The following MAGI1 variants were observed in gnomAD, a reference collection of about 807,000 sequenced individuals.
MAGI1 encodes the protein membrane associated guanylate kinase, WW and PDZ domain containing 1.
Under a neutral mutation model 139.9 loss-of-function variants are expected in MAGI1, and 58 were observed. The ratio of observed to expected loss-of-function variants is 0.41; its 90% CI spans 0.34 to 0.52. MAGI1 has a LOEUF of 0.52. Ranked by LOEUF, MAGI1 falls within the 20% of genes least tolerant of loss-of-function variation. The pLI, the probability that MAGI1 is intolerant of heterozygous loss-of-function variation, is 0.12. For synonymous variants in MAGI1, 812 were observed against 737.9 expected (o/e 1.10, Z -1.63); for missense variants, 1,874 against 1,901.6 (o/e 0.99, Z 0.27).
chr3:65,958,549 AGCT>A, intron 1 of MAGI1, among the ~76,000 whole-genome samples: 1 of 152,346 alleles, frequency 6.6e-6, no homozygotes, highest in East Asian at 1.9e-4. Context: ...TCCTAAGAGA[AGCT>A]GAGGTTAGTG....
intron 2 of MAGI1, among the ~76,000 whole-genome samples, chr3:65,547,838 T>C (rs929815730): frequency 3.9e-5 from 6 of 152,122 alleles, no homozygotes; most frequent in African/African-American, 1.4e-4. Context: ...CATAACAGAA[T>C]TACAATCAGG....
At chr3:65,648,084 C>T (rs1320851631) in intron 1 of MAGI1, among the ~76,000 whole-genome samples, 1 of 152,120 alleles carries the variant, frequency 6.6e-6, no homozygotes, top group Non-Finnish European at 1.5e-5. Flanking sequence ...CAAAAAGCCT[C>T]CTAGTACTAA....
In MAGI1 at chr3:65,401,042, G is replaced by T. The variant is rs369012383; in HGVS notation, c.2199+397C>A. Among the ~76,000 whole-genome samples, 12 of 152,036 alleles carry T rather than the reference G, an allele frequency of 7.9e-5. No individual in the cohort carries two copies. The East Asian group carries it at 9.7e-4, about 12-fold the overall frequency. On this transcript the variant is annotated intron_variant, in intron 13 of 22. Transcript: ENST00000402939. ...GACATGTGAACGGCTGGGAACACCA[G>T]TTGAGAGCAATGCTACTCACGGAGC...
At chr3:65,370,312 T>C (rs937445664) in intron 18 of MAGI1, among the ~76,000 whole-genome samples, 1 of 152,174 alleles carries the variant, frequency 6.6e-6, no homozygotes, top group Admixed American at 6.5e-5. Flanking sequence ...CTGCCAGACT[T>C]GATTCCCTTT....
At chr3:65,560,218 T>C (rs2080280656) in intron 2 of MAGI1, among the ~76,000 whole-genome samples, 2 of 152,240 alleles carry the variant, frequency 1.3e-5, no homozygotes, top group Admixed American at 6.5e-5. Context: ...TCTATCACTT[T>C]AGTGAAAGTA....
At chr3:65,782,956 T>C (rs574616716) in intron 1 of MAGI1, among the ~76,000 whole-genome samples, 1 of 149,532 alleles carries the variant, frequency 6.7e-6, no homozygotes, top group African/African-American at 2.4e-5. Context: ...AGTTAAGCAA[T>C]GGTTTCTTAG....
chr3:65,511,570 A>C (rs1186358843), intron 2 of MAGI1, among the ~76,000 whole-genome samples: 2 of 92,358 alleles, frequency 2.2e-5, no homozygotes, highest in East Asian at 7.5e-4. Flanking sequence ...GCCATTACAT[A>C]ATGGTAAAGG....
chr3:65,518,289 A>G (rs2077995081), intron 2 of MAGI1, among the ~76,000 whole-genome samples: 1 of 152,180 alleles, frequency 6.6e-6, no homozygotes, highest in African/African-American at 2.4e-5. Flanking sequence ...AATCTGTAAA[A>G]TGACTTTCTG....
At chr3:65,463,720 ACT>A (rs1260325535) in intron 5 of MAGI1, among the ~76,000 whole-genome samples, 2 of 151,552 alleles carry the variant, frequency 1.3e-5, no homozygotes, top group Non-Finnish European at 2.9e-5. Context: ...CCTCTGTATA[ACT>A]CTGGTAGTAT....
intron 4 of MAGI1, among the ~76,000 whole-genome samples, chr3:65,478,108 C>T (rs997390450): frequency 3.9e-5 from 6 of 152,010 alleles, no homozygotes; most frequent in Admixed American, 6.6e-5. Flanking sequence ...ACATAATATC[C>T]TTCCATTATA....
chr3:65,469,875 GA>G (rs562125683), intron 5 of MAGI1: 9 of 144,794 alleles, frequency 6.2e-5, no homozygotes, highest in African/African-American at 1.3e-4. Context: ...GTTCAATTAA[GA>G]AAAAAAAGCA....
intron 3 of MAGI1, among the ~76,000 whole-genome samples, chr3:65,479,933 C>CATCG (rs1408310983): frequency 6.6e-6 from 1 of 151,978 alleles, no homozygotes; most frequent in Non-Finnish European, 1.5e-5. Context: ...CTTAGAATGC[C>CATCG]ATCGATCCAT....
chr3:65,721,717 T>C (rs1386507785), intron 1 of MAGI1, among the ~76,000 whole-genome samples: 1 of 152,176 alleles, frequency 6.6e-6, no homozygotes, highest in Non-Finnish European at 1.5e-5. Flanking sequence ...ATACTACTCC[T>C]CTTATTTATG....
intron 2 of MAGI1, among the ~76,000 whole-genome samples, chr3:65,569,290 G>A (rs2080828061): frequency 1.3e-5 from 2 of 152,168 alleles, no homozygotes; most frequent in African/African-American, 4.8e-5. Context: ...GAGGAGAATG[G>A]AGAACTGTCA....
rs111579108 is a variant in MAGI1 at position 65,470,523 on chromosome 3, GAAA to G, written c.758-42_758-40del. On this transcript the variant is annotated intron_variant, in intron 4 of 22. Coordinates refer to ENST00000402939, the MANE Select transcript of MAGI1 (RefSeq NM_001033057.2). ...TGAAGAGGTGAGAGAGAGAGAGAGA[GAAA>G]AAAAAAAAATGGTATTCAGCAATCA... The G allele has an allele frequency of 1.6e-5, 15 of 933,738 alleles. No homozygotes were observed. The African/African-American group carries it at 2.1e-4, about 13-fold the overall frequency. 57.8% of individuals were successfully genotyped at this position (933,738 alleles called of 1,614,324 possible). A position where few individuals can be genotyped will look rare whatever the true frequency, so the allele number is the denominator to read the frequency against.
chr3:65,680,884 G>A (rs536521273), intron 1 of MAGI1, among the ~76,000 whole-genome samples: 9 of 152,188 alleles, frequency 5.9e-5, no homozygotes, highest in Admixed American at 2.0e-4. Flanking sequence ...CAGGCAAGTC[G>A]AGAAAATATA....
At chr3:65,832,815 T>C (rs1039723656) in intron 1 of MAGI1, among the ~76,000 whole-genome samples, 2 of 152,146 alleles carry the variant, frequency 1.3e-5, no homozygotes, top group East Asian at 1.9e-4. Context: ...TTGATGAAAA[T>C]AGCAAACCAT....
intron 1 of MAGI1, among the ~76,000 whole-genome samples, chr3:65,876,474 A>G (rs1346721497): frequency 1.3e-5 from 2 of 152,196 alleles, no homozygotes; most frequent in African/African-American, 2.4e-5. Flanking sequence ...TTTACGGAGT[A>G]AAACAAAATT....
chr3:65,857,812 G>A (rs1376261793), intron 1 of MAGI1, among the ~76,000 whole-genome samples: 3 of 152,100 alleles, frequency 2.0e-5, no homozygotes, highest in Admixed American at 6.5e-5. Context: ...TGTGACATTC[G>A]TTTCGTGGGG....
Sources: gnomAD v4.1 joint callset for allele counts (sites outside exome capture counted in the v4.1 genomes callset) on GRCh38, gnomAD v4.1.1 for gene constraint, MANE v1.5 for transcripts, NCBI Gene and HGNC (gene_info 2026-07-23, HGNC 2026-07-21) for gene names.